The following LDAH variants were observed in gnomAD, a reference collection of about 807,000 sequenced individuals.
LDAH encodes lipid droplet associated hydrolase, also known as lipid droplet-associated hydrolase.
In LDAH, 26 loss-of-function variants were observed where a neutral mutation model predicts 29.6. The observed-to-expected ratio is 0.88, with a 90% confidence interval of 0.64 to 1.22. The LOEUF is 1.22. Among genes scored for constraint, LDAH ranks in the 50% most tolerant of loss-of-function variants. LDAH has a pLI of 0.00. For synonymous variants in LDAH, 117 were observed against 133.0 expected (o/e 0.88, Z 0.83); for missense variants, 344 against 387.3 (o/e 0.89, Z 0.94).
At chr2:20,756,904 A>G (rs1375707796) in intron 4 of LDAH, among the ~76,000 whole-genome samples, 2 of 152,222 alleles carry the variant, frequency 1.3e-5, no homozygotes, top group Non-Finnish European at 2.9e-5. Context: ...CCAGAGGAAG[A>G]AAACAGTTCA....
At chr2:20,764,990 C>T (rs1441883995) in intron 4 of LDAH, among the ~76,000 whole-genome samples, 2 of 152,066 alleles carry the variant, frequency 1.3e-5, no homozygotes, top group African/African-American at 2.4e-5. Context: ...ACAATAACAT[C>T]AATTTTAAAA....
intron 5 of LDAH, among the ~76,000 whole-genome samples, chr2:20,708,444 C>G (rs1664467700): frequency 2.0e-5 from 3 of 152,158 alleles, no homozygotes; most frequent in African/African-American, 7.2e-5. Flanking sequence ...ACAAAAATAT[C>G]CAGCATCTGA....
chr2:20,818,363 T>G (rs1271240609), intron 1 of LDAH, among the ~76,000 whole-genome samples: 8 of 152,142 alleles, frequency 5.3e-5, no homozygotes. Flanking sequence ...AAATTGGGAA[T>G]CTTAGCACAT....
intron 5 of LDAH, among the ~76,000 whole-genome samples, chr2:20,734,840 T>C (rs751634053): frequency 2.0e-5 from 3 of 152,246 alleles, no homozygotes; most frequent in Non-Finnish European, 2.9e-5. Flanking sequence ...CAAGTTCTTT[T>C]AGTTTTTCAA....
At position 20,684,198 on chromosome 2, in the gene LDAH, T is replaced by A. The variant is rs979828457; in HGVS notation, c.*2705A>T. 8 of 152,144 alleles carry A rather than the reference T, an allele frequency of 5.3e-5. No homozygotes were observed. Among genetic ancestry groups the A allele is most frequent in the African/African-American group, 1.9e-4 (8 of 41,404 alleles). The allele number at this position is 152,144 out of a possible 1,614,324, so 9.4% of individuals were successfully genotyped here. ...GTCTCCAGTACAAACAAGGACACTC[T>A]CTTACTTCTTCCCAGTACAACCACT... On this transcript the variant is annotated 3_prime_UTR_variant, in exon 7 of 7. Transcript: ENST00000237822.
intron 6 of LDAH, among the ~76,000 whole-genome samples, chr2:20,699,315 C>T (rs1355751250): frequency 6.6e-6 from 1 of 152,060 alleles, no homozygotes; most frequent in African/African-American, 2.4e-5. Flanking sequence ...TTAGTTTGAC[C>T]AGTTATCGGG....
intron 3 of LDAH, among the ~76,000 whole-genome samples, chr2:20,786,671 A>G (rs1453863255): frequency 6.6e-6 from 1 of 152,142 alleles, no homozygotes; most frequent in African/African-American, 2.4e-5. Flanking sequence ...GCCTGTAGAC[A>G]TGGTGGTAAA....
Position 20,684,898 on chromosome 2 carries a change from A to G in LDAH, c.*2005T>C. 1 of 1,549,880 alleles carries G rather than the reference A, an allele frequency of 6.5e-7. No homozygotes were observed. The stretch of plus-strand genomic sequence containing the variant: ...TCCCTAATGAAACAGAATGAACTTC[A>G]GTCTCTTGAAATCTGATTCTTCCAC... On this transcript the variant is annotated 3_prime_UTR_variant, in exon 7 of 7. Coordinates refer to ENST00000237822, the MANE Select transcript of LDAH (RefSeq NM_021925.4).
At chr2:20,782,718 C>T (rs1025229038) in intron 3 of LDAH, among the ~76,000 whole-genome samples, 2 of 152,098 alleles carry the variant, frequency 1.3e-5, no homozygotes, top group African/African-American at 2.4e-5. Context: ...TTTCTCCCCC[C>T]TTGGTTAGCC....
chr2:20,754,654 G>A (rs1294831339), intron 4 of LDAH, among the ~76,000 whole-genome samples: 1 of 152,056 alleles, frequency 6.6e-6, no homozygotes, highest in Non-Finnish European at 1.5e-5. Context: ...CTCTGAGAAG[G>A]ACATAGCATC....
At chr2:20,816,208 G>A (rs1672840043) in intron 1 of LDAH, among the ~76,000 whole-genome samples, 1 of 151,846 alleles carries the variant, frequency 6.6e-6, no homozygotes, top group Non-Finnish European at 1.5e-5. Context: ...CAGAAAAGAG[G>A]AACAGATATG....
intron 4 of LDAH, among the ~76,000 whole-genome samples, chr2:20,755,952 A>G (rs544038652): frequency 1.3e-5 from 2 of 152,204 alleles, no homozygotes; most frequent in Non-Finnish European, 2.9e-5. Context: ...ATACCTGTCC[A>G]AATTACCCTG....
At chr2:20,811,910 TAATC>T (rs1330477782) in intron 1 of LDAH, among the ~76,000 whole-genome samples, 3 of 152,108 alleles carry the variant, frequency 2.0e-5, no homozygotes, top group East Asian at 1.9e-4. Flanking sequence ...ATTTTGATAA[TAATC>T]AATCAAATGT....
In LDAH at chr2:20,685,425, T is replaced by C; in HGVS notation, c.*1478A>G. On this transcript the variant is annotated 3_prime_UTR_variant, in exon 7 of 7. Transcript: ENST00000237822. ...GCCCTGTGCTTACGGCCTATGTATC[T>C]ATTAGCTCTTCCCCTTGGGCTAACA... is the stretch of plus-strand genomic sequence containing the variant. 1 of 1,273,630 alleles carries C rather than the reference T, an allele frequency of 7.9e-7. No homozygotes were observed. Among genetic ancestry groups the C allele is most frequent in the Non-Finnish European group, 1.1e-6 (1 of 936,536 alleles). The allele number at this position is 1,273,630 out of a possible 1,614,324, so 78.9% of individuals were successfully genotyped here. A position where few individuals can be genotyped will look rare whatever the true frequency, so the allele number is the denominator to read the frequency against.
At chr2:20,729,558 G>A (rs1572493938) in intron 5 of LDAH, among the ~76,000 whole-genome samples, 1 of 152,274 alleles carries the variant, frequency 6.6e-6, no homozygotes, top group African/African-American at 2.4e-5. Context: ...AATGTCTCAA[G>A]GACAAGGAGC....
intron 4 of LDAH, among the ~76,000 whole-genome samples, chr2:20,773,579 C>T (rs1229000189): frequency 3.3e-5 from 5 of 152,168 alleles, no homozygotes; most frequent in Non-Finnish European, 5.9e-5. Context: ...GACAATAATA[C>T]AGAGAACAGA....
chr2:20,684,994 G>T lies in LDAH; in HGVS notation c.*1909C>A. Reference sequence around the variant, plus strand: ...AGACTTTGAGCCGAGTCTAACTCAGGAGAACTGCTCAAATTGTACCCTCTC... The same window carrying T: ...AGACTTTGAGCCGAGTCTAACTCAGTAGAACTGCTCAAATTGTACCCTCTC... On this transcript the variant is annotated 3_prime_UTR_variant, in exon 7 of 7. Transcript: ENST00000237822. 2 of 1,539,412 alleles carry T rather than the reference G, an allele frequency of 1.3e-6. No homozygotes were observed. The highest frequency in any genetic ancestry group is 2.0e-5 in the Admixed American group (1 of 49,838).
At chr2:20,748,273 C>T (rs1054755788) in intron 4 of LDAH, among the ~76,000 whole-genome samples, 4 of 152,122 alleles carry the variant, frequency 2.6e-5, no homozygotes, top group African/African-American at 9.6e-5. Flanking sequence ...GATTTTTCTA[C>T]ACTTTAATTA....
At chr2:20,715,752 C>A (rs1572461158) in intron 5 of LDAH, among the ~76,000 whole-genome samples, 1 of 152,162 alleles carries the variant, frequency 6.6e-6, no homozygotes, top group East Asian at 1.9e-4. Flanking sequence ...AAACAGAGAG[C>A]CAAATCATGA....
Sources: gnomAD v4.1 joint callset for allele counts (sites outside exome capture counted in the v4.1 genomes callset) on GRCh38, gnomAD v4.1.1 for gene constraint, MANE v1.5 for transcripts, NCBI Gene and HGNC (gene_info 2026-07-23, HGNC 2026-07-21) for gene names.